The following P3H1 variants were observed in gnomAD, a reference collection of about 807,000 sequenced individuals.
P3H1 encodes the protein growth suppressor 1.
In P3H1, 69 loss-of-function variants were observed where a neutral mutation model predicts 84.0. The ratio of observed to expected loss-of-function variants is 0.82; its 90% CI spans 0.68 to 1.00. The LOEUF (loss-of-function observed/expected upper bound fraction) is 1.00. Ranked by LOEUF, P3H1 falls within the 50% of genes least tolerant of loss-of-function variation. P3H1 has a pLI of 0.00. For missense variants in P3H1, 878 were observed against 962.8 expected (o/e 0.91, Z 1.17); for synonymous variants, 366 against 388.8 (o/e 0.94, Z 0.69).
intron 3 of P3H1, 81 bp downstream of exon 3, chr1:42,759,120 G>A (rs1415602898): frequency 2.6e-6 from 4 of 1,566,260 alleles, no homozygotes; most frequent in Non-Finnish European, 8.8e-7. Flanking sequence ...TGAGGGTGAA[G>A]AGTCCCCATT....
At chr1:42,748,374 T>A in intron 11 of P3H1, 57 bp from the exon 12 acceptor site, 1 of 1,314,460 alleles carries the variant, frequency 7.6e-7, no homozygotes, top group Non-Finnish European at 1.1e-6. Context: ...GGCATAGCTC[T>A]CTTCTTGGCA....
chr1:42,754,903 C>T lies in P3H1; in HGVS notation c.1311G>A (p.Lys437=), dbSNP rs1304625577. 6.2e-7 allele frequency: 1 copy of T among 1,614,174 alleles called. No homozygotes were observed. The part of the protein sequence containing the change: ...EIETLVEEKT[K]ESLDVSRLTR... ...TCAGTCTGCTCACATCCAGTGACTCCTTGGTCTTCTCTTCCACAAGGGTCT... is the reference window on the plus strand; with the variant it reads ...TCAGTCTGCTCACATCCAGTGACTCTTTGGTCTTCTCTTCCACAAGGGTCT... The change falls in exon 8 of 15, where the codon AAG becomes AAA. Residue 437 remains lysine, a synonymous_variant. Transcript: ENST00000296388. The surrounding 1 kb of genome is among the most constrained non-coding windows in gnomAD (Gnocchi z 4.0).
In P3H1 at chr1:42,750,415, G is replaced by A. The variant is rs1458896851; in HGVS notation, c.1570-79C>T. On this transcript the variant is annotated intron_variant, in intron 10 of 14. Coordinates refer to ENST00000296388, the MANE Select transcript of P3H1 (RefSeq NM_022356.4). The stretch of plus-strand genomic sequence containing the variant: ...TGTGTCCCTACCCAAATCTTATCTT[G>A]TAGTTCCCATAATTCCCATGTGTTG... 4 of 1,517,322 alleles carry A rather than the reference G, an allele frequency of 2.6e-6. No individual in the cohort carries two copies. In the East Asian group the frequency reaches 9.1e-5, roughly 35 times the overall value. The allele number at this position is 1,517,322 out of a possible 1,614,324, so 94.0% of individuals were successfully genotyped here.
Position 42,748,250 on chromosome 1 carries a change from C to T in P3H1, c.1788G>A (p.Glu596=). The T allele has an allele frequency of 6.2e-7, 1 of 1,614,070 alleles. No individual in the cohort carries two copies. Among genetic ancestry groups the T allele is most frequent in the Non-Finnish European group, 8.5e-7 (1 of 1,180,024 alleles). ...GGGGCTCTTTGACACACACGAGGGT[C>T]TCGGCATTCAGGATGCAGTTGTCCA... ...VHVDNCILNA[E]TLVCVKEPPA... The change falls in exon 12 of 15, where the codon GAG becomes GAA. Residue 596 remains glutamate, a synonymous_variant. Transcript: ENST00000296388.
intron 14 of P3H1, 192 bp downstream of exon 14, chr1:42,747,080 G>A (rs150862153): frequency 6.1e-5 from 99 of 1,614,222 alleles, no homozygotes; most frequent in East Asian, 3.6e-4. Flanking sequence ...CCTGGATCCC[G>A]TTCACAGCAG....
chr1:42,751,417 GGACA>G (rs1652067533), intron 10 of P3H1, among the ~76,000 whole-genome samples: 1 of 121,220 alleles, frequency 8.2e-6, no homozygotes, highest in Admixed American at 8.8e-5. Flanking sequence ...AAGTACCCAG[GGACA>G]CAAACACTGC....
Position 42,757,846 on chromosome 1 carries a change from T to C in P3H1, c.1017A>G (p.Gln339=). 2 of 1,614,228 alleles carry C rather than the reference T, an allele frequency of 1.2e-6. No individual in the cohort carries two copies. Among genetic ancestry groups the C allele is most frequent in the South Asian group, 2.2e-5 (2 of 91,086 alleles). The stretch of plus-strand genomic sequence containing the variant: ...GCATAGCTGCATAATAGGCCAAATT[T>C]TGGTTCATCACCTCGTCATTGGGGA... ...LFFPNDEVMN[Q]NLAYYAAMLG... The change falls in exon 5 of 15, where the codon CAA becomes CAG. Residue 339 remains glutamine (Q), a synonymous_variant. Coordinates refer to ENST00000296388, the MANE Select transcript of P3H1 (RefSeq NM_022356.4).
intron 10 of P3H1, among the ~76,000 whole-genome samples, chr1:42,750,757 C>T (rs1414526844): frequency 1.4e-4 from 19 of 140,042 alleles, no homozygotes; most frequent in African/African-American, 4.9e-4. Context: ...TCTGCCCGGC[C>T]GCCCCTACTG....
At chr1:42,756,997 A>C (rs763519342) in intron 5 of P3H1, among the ~76,000 whole-genome samples, 7 of 152,206 alleles carry the variant, frequency 4.6e-5, no homozygotes, top group Non-Finnish European at 1.0e-4. Context: ...TTCTTTCCAA[A>C]AGGGGACTTC....
Position 42,758,982 on chromosome 1 carries a change from A to C in P3H1, c.810T>G (p.Asp270Glu). The C allele has an allele frequency of 6.2e-7, 1 of 1,614,208 alleles. No homozygotes were observed. The highest frequency in any genetic ancestry group is 8.5e-7 in the Non-Finnish European group (1 of 1,180,020). ...YNADLFQAIT[D>E]HYIQVLNCKQ... ...TACAGTTGAGGACCTGGATGTAATG[A>C]TCTGAAAGGAATCAAACAGAAGGAA... Residue 270 changes from aspartate to glutamate, a missense_variant and splice_region_variant, in exon 4 of 15, where the codon GAT becomes GAG. Asp to Glu is a conservative substitution (Grantham distance 45, BLOSUM62 2). Coordinates refer to ENST00000296388, the MANE Select transcript of P3H1 (RefSeq NM_022356.4).
At chr1:42,748,704 G>T (rs1476350958) in intron 11 of P3H1, 1 of 313,714 alleles carries the variant, frequency 3.2e-6, no homozygotes, top group Non-Finnish European at 6.3e-6. Flanking sequence ...TGCAGGAGAT[G>T]GGGCTGAGTG....
intron 2 of P3H1, chr1:42,760,836 G>T (rs950477384): frequency 1.3e-5 from 2 of 152,182 alleles, no homozygotes; most frequent in Non-Finnish European, 2.9e-5. Context: ...TGTATTTTTA[G>T]TAGAGACAGG....
intron 1 of P3H1, among the ~76,000 whole-genome samples, chr1:42,764,319 G>A (rs1003788736): frequency 6.6e-6 from 1 of 151,912 alleles, no homozygotes; most frequent in Non-Finnish European, 1.5e-5. Context: ...CTACTCGGGA[G>A]GCTGAGGTAG....
intron 2 of P3H1, chr1:42,760,914 A>G (rs1057100337): frequency 6.6e-6 from 1 of 151,784 alleles, no homozygotes; most frequent in Non-Finnish European, 1.5e-5. Context: ...TGGCCTTCCA[A>G]AGTGCTGGGA....
At position 42,763,672 on chromosome 1, in the gene P3H1, CAAAAAAAAAAAAAAAA is replaced by C. The variant is rs766034061; in HGVS notation, c.466-1213_466-1198del. ...GGGTGACAGAGCGAGACTCTTGTCT[CAAAAAAAAAAAAAAAA>C]AAAAAAAAAAAAGAAATCCAAGGGG... On this transcript the variant is annotated intron_variant, in intron 1 of 14. Coordinates refer to ENST00000296388, the MANE Select transcript of P3H1 (RefSeq NM_022356.4). Among the ~76,000 whole-genome samples, 3 of 41,502 alleles carry C rather than the reference CAAAAAAAAAAAAAAAA, an allele frequency of 7.2e-5. No individual in the cohort carries two copies. In the East Asian group the frequency reaches 2.3e-3, roughly 32 times the overall value. 27.2% of individuals were successfully genotyped at this position (41,502 alleles called of 152,430 possible). A position where few individuals can be genotyped will look rare whatever the true frequency, so the allele number is the denominator to read the frequency against.
Position 42,752,343 on chromosome 1 carries a change from G to A in P3H1, c.1500C>T (p.Tyr500=). ...TNVAATSGDG[Y]RGQTSPHTPN... ...GAGTATGTGGGGAGGTCTGACCCCG[G>A]TAGCCATCTCCTGAGGTTGCTGCCA... Residue 500 remains tyrosine (Y), a synonymous_variant, in exon 10 of 15, where the codon TAC becomes TAT. Coordinates refer to ENST00000296388, the MANE Select transcript of P3H1 (RefSeq NM_022356.4). 6.2e-7 allele frequency: 1 copy of A among 1,614,122 alleles called. No individual in the cohort carries two copies. The highest frequency in any genetic ancestry group is 1.3e-5 in the African/African-American group (1 of 75,034).
At chr1:42,748,131 A>G in intron 12 of P3H1, 69 bp downstream of exon 12, 1 of 1,126,036 alleles carries the variant, frequency 8.9e-7, no homozygotes, top group Non-Finnish European at 1.3e-6. Context: ...GGGGTAGTAG[A>G]GTGCAGGGCA....
At position 42,753,682 on chromosome 1, in the gene P3H1, G is replaced by C. The variant is rs181142136; in HGVS notation, c.1346-1018C>G. ...TTATGCCTATAATCTCAGCACTTTG[G>C]GAGGCCAGGGCGGGTGGATCACAAG... On this transcript the variant is annotated intron_variant, in intron 8 of 14. Coordinates refer to ENST00000296388, the MANE Select transcript of P3H1 (RefSeq NM_022356.4). Among the ~76,000 whole-genome samples, 34 of 152,256 alleles carry C rather than the reference G, an allele frequency of 2.2e-4. 1 individual carries two copies. In the South Asian group the frequency reaches 4.4e-3, roughly 19 times the overall value.
intron 4 of P3H1, among the ~76,000 whole-genome samples, 162 bp downstream of exon 4, chr1:42,758,690 T>G (rs1478506703): frequency 6.6e-6 from 1 of 152,234 alleles, no homozygotes; most frequent in Non-Finnish European, 1.5e-5. Flanking sequence ...CCTAGGCCAG[T>G]TGTTTATAAC....
Sources: allele counts gnomAD v4.1 joint callset (sites outside exome capture counted in the v4.1 genomes callset), GRCh38; gene constraint gnomAD v4.1.1; non-coding constraint Gnocchi (gnomAD v3.1); transcripts MANE v1.5; gene names NCBI Gene and HGNC (gene_info 2026-07-23, HGNC 2026-07-21).